The following MSH3 variants were observed in gnomAD, a reference collection of about 807,000 sequenced individuals.
The protein encoded by MSH3 is DNA mismatch repair protein Msh3.
In MSH3, 106 loss-of-function variants were observed where a neutral mutation model predicts 123.3. That is an observed-to-expected ratio of 0.86 (90% confidence interval 0.73 to 1.01). The LOEUF is 1.01. Among genes scored for constraint, MSH3 ranks in the 50% least tolerant of loss-of-function variants. The pLI is 0.00. For missense variants in MSH3, 1,459 were observed against 1,347.6 expected (o/e 1.08, Z -1.29); for synonymous variants, 515 against 481.4 (o/e 1.07, Z -0.91).
chr5:80,707,720 A>G (rs1431129579), intron 8 of MSH3, among the ~76,000 whole-genome samples: 1 of 152,218 alleles, frequency 6.6e-6, no homozygotes, highest in Non-Finnish European at 1.5e-5. Flanking sequence ...TGACAGAACA[A>G]GACCCTGTCT....
At chr5:80,766,321 T>C (rs1744121127) in intron 13 of MSH3, among the ~76,000 whole-genome samples, 1 of 151,352 alleles carries the variant, frequency 6.6e-6, no homozygotes, top group African/African-American at 2.4e-5. Context: ...TTGTCTTCTT[T>C]TCTAGTGTGT....
intron 10 of MSH3, 104 bp from the exon 11 acceptor site, chr5:80,741,360 C>G: frequency 1.3e-6 from 1 of 768,912 alleles, no homozygotes; most frequent in Non-Finnish European, 2.3e-6. Context: ...TATCAGAATG[C>G]TAATTTTTGC....
At chr5:80,682,300 A>G (rs1297676697) in intron 8 of MSH3, among the ~76,000 whole-genome samples, 1 of 152,164 alleles carries the variant, frequency 6.6e-6, no homozygotes, top group Non-Finnish European at 1.5e-5. Context: ...TATTGGGGGT[A>G]TTAAGAGTGC....
intron 12 of MSH3, among the ~76,000 whole-genome samples, chr5:80,756,849 A>G (rs973827572): frequency 2.6e-5 from 4 of 152,132 alleles, no homozygotes; most frequent in African/African-American, 9.7e-5. Flanking sequence ...GTGAAGCTAT[A>G]TAGGTCTAAT....
chr5:80,810,826 C>T (rs1323311965), intron 19 of MSH3, among the ~76,000 whole-genome samples: 1 of 151,822 alleles, frequency 6.6e-6, no homozygotes, highest in Non-Finnish European at 1.5e-5. Flanking sequence ...TAGATTTATT[C>T]CTAGGTATTT....
At chr5:80,865,951 A>G (rs1746090848) in intron 22 of MSH3, among the ~76,000 whole-genome samples, 1 of 152,220 alleles carries the variant, frequency 6.6e-6, no homozygotes, top group African/African-American at 2.4e-5. Context: ...GTAGTTTTGT[A>G]TCTATTAATC....
rs1744035428 is a variant in MSH3, at chr5:80,761,615, A to G, written c.1833A>G (p.Ile611Met). ...LHSESSVFGQ[I>M]ENHLRKLPDI... The stretch of plus-strand genomic sequence containing the variant: ...CAGAATCTAGTGTGTTTGGTCAGAT[A>G]GAAAATCATCTACGTAAATTGCCCG... Residue 611 changes from isoleucine (I) to methionine (M), a missense_variant, in exon 13 of 24, where the codon ATA (isoleucine) becomes ATG (methionine). By Grantham distance (10) the Ile-to-Met change is conservative (BLOSUM62 1). Transcript: ENST00000265081. The G allele has an allele frequency of 1.9e-6, 3 of 1,614,068 alleles. No homozygotes were observed. The highest frequency in any genetic ancestry group is 1.7e-5 in the Admixed American group (1 of 60,008).
chr5:80,789,972 A>G (rs1744580687), intron 18 of MSH3, among the ~76,000 whole-genome samples: 2 of 152,236 alleles, frequency 1.3e-5, no homozygotes, highest in Admixed American at 6.5e-5. Context: ...CAAACATTAG[A>G]AAGTTTAATA....
chr5:80,715,184 G>A (rs1019382768), intron 8 of MSH3: 1 of 152,182 alleles, frequency 6.6e-6, no homozygotes, highest in Admixed American at 6.5e-5. Context: ...CGTAGTTCTG[G>A]AACTTGTACT....
intron 8 of MSH3, among the ~76,000 whole-genome samples, chr5:80,702,889 G>C (rs1017776181): frequency 6.6e-6 from 1 of 152,148 alleles, no homozygotes; most frequent in African/African-American, 2.4e-5. Flanking sequence ...GCAAGCAGCT[G>C]TAGTCCCAGC....
At chr5:80,784,212 C>CAAA (rs1192783960) in intron 17 of MSH3, among the ~76,000 whole-genome samples, 137 of 11,938 alleles carry the variant, frequency 0.011, 9 homozygotes, top group African/African-American at 0.015. Flanking sequence ...TACTACGTCG[C>CAAA]AAAAAAAAAA....
chr5:80,744,314 G>A (rs530994593), intron 11 of MSH3, among the ~76,000 whole-genome samples, 192 bp from the exon 12 acceptor site: 5 of 152,160 alleles, frequency 3.3e-5, no homozygotes, highest in South Asian at 2.1e-4. Flanking sequence ...AACTATAAAC[G>A]ATCCCTTTTC....
At chr5:80,796,887 C>T (rs1487590986) in intron 19 of MSH3, among the ~76,000 whole-genome samples, 2 of 152,206 alleles carry the variant, frequency 1.3e-5, no homozygotes, top group African/African-American at 2.4e-5. Context: ...CTCTACTCTG[C>T]AGCCACAGGG....
intron 20 of MSH3, among the ~76,000 whole-genome samples, chr5:80,826,491 G>A (rs1308988280): frequency 6.6e-6 from 1 of 151,934 alleles, no homozygotes; most frequent in African/African-American, 2.4e-5. Flanking sequence ...GTGCTATACA[G>A]TGTGCAAGAA....
At chr5:80,811,608 G>A (rs1745007885) in intron 19 of MSH3, among the ~76,000 whole-genome samples, 2 of 152,046 alleles carry the variant, frequency 1.3e-5, no homozygotes, top group African/African-American at 2.4e-5. Flanking sequence ...AAGAATTTTT[G>A]TAATATTCGT....
At position 80,782,042 on chromosome 5, in the gene MSH3, T is replaced by C. The variant is rs192474166; in HGVS notation, c.2435+3206T>C. Among the ~76,000 whole-genome samples the C allele has an allele frequency of 3.0e-3, 453 of 152,350 alleles. 5 individuals carry two copies. Among genetic ancestry groups the C allele is most frequent in the African/African-American group, 0.01 (430 of 41,566 alleles). ...ATAATGCACAGCATACAGACTTTTA[T>C]ATTTTTAAAGATTATATATGCTTAT... On this transcript the variant is annotated intron_variant, in intron 17 of 23. Coordinates refer to ENST00000265081, the MANE Select transcript of MSH3 (RefSeq NM_002439.5).
intron 7 of MSH3, among the ~76,000 whole-genome samples, chr5:80,677,071 A>T (rs1263682532): frequency 6.6e-6 from 1 of 152,130 alleles, no homozygotes; most frequent in African/African-American, 2.4e-5. Flanking sequence ...CCAAATTTTT[A>T]TTGAACAGAG....
intron 19 of MSH3, among the ~76,000 whole-genome samples, chr5:80,800,346 C>T (rs866257925): frequency 6.6e-6 from 1 of 152,208 alleles, no homozygotes; most frequent in African/African-American, 2.4e-5. Context: ...ACTGTCTAGG[C>T]CAGTCTGGTA....
chr5:80,821,001 C>T (rs1281386503), intron 20 of MSH3, among the ~76,000 whole-genome samples: 1 of 152,196 alleles, frequency 6.6e-6, no homozygotes, highest in Non-Finnish European at 1.5e-5. Flanking sequence ...CAATTCAGCT[C>T]TCTTCACCTG....
Sources: allele counts gnomAD v4.1 joint callset (sites outside exome capture counted in the v4.1 genomes callset), GRCh38; gene constraint gnomAD v4.1.1; transcripts MANE v1.5; gene names NCBI Gene and HGNC (gene_info 2026-07-23, HGNC 2026-07-21).